Variants in MXRA7 observed in about 807,000 individuals in gnomAD.
MXRA7 encodes matrix-remodeling-associated protein 7.
Under a neutral mutation model 17.4 loss-of-function variants are expected in MXRA7, and 18 were observed. That is an observed-to-expected ratio of 1.03 (90% CI 0.71 to 1.53). The LOEUF is 1.53. Among genes scored for constraint, MXRA7 ranks in the 40% most tolerant of loss-of-function variants. The pLI is 0.00. For synonymous variants in MXRA7, 70 were observed against 101.7 expected (o/e 0.69, Z 1.87); for missense variants, 141 against 209.3 (o/e 0.67, Z 2.01).
Position 76,700,953 on chromosome 17 carries a change from G to A in MXRA7, c.342+9652C>T, listed in dbSNP as rs549108687. Among the ~76,000 whole-genome samples the A allele has an allele frequency of 3.3e-4, 50 of 152,238 alleles. No homozygotes were observed. In the South Asian group the frequency reaches 8.5e-3, roughly 26 times the overall value. On this transcript the variant is annotated intron_variant, in intron 1 of 3. Transcript: ENST00000449428. ...TGGGCAGGGTCCTGATGTGGGCGCA[G>A]GGCTGGCAGGTCTAAGCACCAGAAA...
chr17:76,706,948 G>C (rs906558213), intron 1 of MXRA7, among the ~76,000 whole-genome samples: 1 of 152,118 alleles, frequency 6.6e-6, no homozygotes, highest in African/African-American at 2.4e-5. Flanking sequence ...CTGTGTGTGT[G>C]TGTGCATGTA....
chr17:76,674,237 A>T (rs1328552600), exon 4 of MXRA7: 1 of 151,818 alleles, frequency 6.6e-6, no homozygotes, highest in Non-Finnish European at 1.5e-5. Context: ...CATGGCTGCC[A>T]GGTAGACATC....
intron 1 of MXRA7, chr17:76,688,472 T>C (rs1228849312): frequency 1.5e-6 from 2 of 1,339,986 alleles, no homozygotes; most frequent in East Asian, 2.9e-5. Flanking sequence ...TGTGTGCCAT[T>C]TGGAGAAGTG....
Position 76,680,864 on chromosome 17 carries a change from T to C in MXRA7, c.*3A>G. 1.2e-6 allele frequency: 2 copies of C among 1,609,374 alleles called. No individual in the cohort carries two copies. The highest frequency in any genetic ancestry group is 2.7e-5 in the African/African-American group (2 of 74,972). ...CTTTAGGAGGACGCTAAGGATAACT[T>C]CGTTATTCTTCAGTTCTGTAAAGAG... is the stretch of plus-strand genomic sequence containing the variant. On this transcript the variant is annotated 3_prime_UTR_variant, in exon 4 of 4. Coordinates refer to ENST00000449428, the MANE Select transcript of MXRA7 (RefSeq NM_198530.4).
At chr17:76,688,621 T>C in intron 1 of MXRA7, 1 of 1,245,236 alleles carries the variant, frequency 8.0e-7, no homozygotes, top group African/African-American at 1.5e-5. Context: ...TATGTTGTTT[T>C]CCATCCCCAA....
At chr17:76,691,481 G>C (rs1334441985) in intron 1 of MXRA7, among the ~76,000 whole-genome samples, 1 of 152,242 alleles carries the variant, frequency 6.6e-6, no homozygotes, top group Non-Finnish European at 1.5e-5. Flanking sequence ...CAAAGTGTGG[G>C]GAACGAGGGG....
chr17:76,693,196 G>A (rs73357371), intron 1 of MXRA7, among the ~76,000 whole-genome samples: 20,674 of 152,188 alleles, frequency 0.14, 1,654 homozygotes, highest in East Asian at 0.32. Context: ...AAGGCTGGGC[G>A]CGGTGGCTCA....
intron 1 of MXRA7, among the ~76,000 whole-genome samples, chr17:76,706,296 GTCACAGAGGCCCACGCTGCCA>G (rs2076657335): frequency 2.2e-5 from 2 of 89,460 alleles, no homozygotes; most frequent in Non-Finnish European, 4.7e-5. Context: ...CCACGCTGCC[GTCACAGAGGCCCACGCTGCCA>G]TCACAAAGGA....
chr17:76,710,457 C>G, intron 1 of MXRA7, 148 bp downstream of exon 1: 2 of 600,444 alleles, frequency 3.3e-6, no homozygotes, highest in Non-Finnish European at 2.4e-6. Flanking sequence ...ATGGCGGGAC[C>G]TGCATTTCCT....
At chr17:76,701,243 CG>C (rs1245991085) in intron 1 of MXRA7, among the ~76,000 whole-genome samples, 1 of 151,840 alleles carries the variant, frequency 6.6e-6, no homozygotes, top group African/African-American at 2.4e-5. Context: ...GGGCTGCTCT[CG>C]GAACACACTC....
At chr17:76,705,661 T>G (rs76150689) in intron 1 of MXRA7, among the ~76,000 whole-genome samples, 5,283 of 152,138 alleles carry the variant, frequency 0.035, 126 homozygotes, top group Middle Eastern at 0.071. Flanking sequence ...AGGGCCCTGA[T>G]AAGAAGAGGA....
At chr17:76,706,624 A>G (rs971283086) in intron 1 of MXRA7, among the ~76,000 whole-genome samples, 6 of 152,246 alleles carry the variant, frequency 3.9e-5, no homozygotes, top group African/African-American at 1.4e-4. Context: ...GTGAGGGCAG[A>G]GGACACAGGT....
chr17:76,685,269 G>A (rs2143599529), intron 2 of MXRA7, 104 bp from the exon 3 acceptor site: 1 of 777,378 alleles, frequency 1.3e-6, no homozygotes, highest in Non-Finnish European at 2.3e-6. Flanking sequence ...TCAAGCAGAG[G>A]CCACATCTGG....
At chr17:76,698,957 G>A (rs1286723225) in intron 1 of MXRA7, among the ~76,000 whole-genome samples, 1 of 152,050 alleles carries the variant, frequency 6.6e-6, no homozygotes, top group African/African-American at 2.4e-5. Flanking sequence ...CTGACTTCAA[G>A]TGATCCGCCC....
intron 2 of MXRA7, among the ~76,000 whole-genome samples, chr17:76,687,880 C>T (rs577840846): frequency 1.6e-4 from 24 of 152,314 alleles, no homozygotes; most frequent in Non-Finnish European, 2.5e-4. Flanking sequence ...CCAAGAGGGG[C>T]CCCGGGATGG....
intron 1 of MXRA7, among the ~76,000 whole-genome samples, chr17:76,708,756 C>G (rs1453943321): frequency 6.6e-6 from 1 of 152,116 alleles, no homozygotes; most frequent in East Asian, 1.9e-4. Context: ...GGAGCTTTGG[C>G]CAGCTCAGGA....
Position 76,685,077 on chromosome 17 carries a change from C to T in MXRA7, c.495G>A (p.Glu165=). The stretch of plus-strand genomic sequence containing the variant: ...GCGAAGGGGCTGCAGCCTACCTCTG[C>T]TCCTCCTCCAGCTCCTCTTTGGTCA... ...KMMTKEELEE[E]QRTEE The change falls in exon 3 of 4, where the codon GAG becomes GAA. Residue 165 remains glutamate (E), a synonymous_variant. Coordinates refer to ENST00000449428, the MANE Select transcript of MXRA7 (RefSeq NM_198530.4). 1 of 1,613,856 alleles carries T rather than the reference C, an allele frequency of 6.2e-7. No homozygotes were observed. The highest frequency in any genetic ancestry group is 8.5e-7 in the Non-Finnish European group (1 of 1,179,800).
intron 2 of MXRA7, among the ~76,000 whole-genome samples, chr17:76,687,212 A>C (rs1275226684): frequency 6.6e-6 from 1 of 152,142 alleles, no homozygotes; most frequent in Non-Finnish European, 1.5e-5. Flanking sequence ...CACCGCCTGC[A>C]CCCAAGCTTC....
chr17:76,698,433 G>A (rs765655061), intron 1 of MXRA7, among the ~76,000 whole-genome samples: 2 of 152,164 alleles, frequency 1.3e-5, no homozygotes, highest in Non-Finnish European at 2.9e-5. Context: ...AGGGCAGGCT[G>A]GGGCAGGGGT....
Sources: gnomAD v4.1 joint callset for allele counts (sites outside exome capture counted in the v4.1 genomes callset) on GRCh38, gnomAD v4.1.1 for gene constraint, MANE v1.5 for transcripts, NCBI Gene and HGNC (gene_info 2026-07-23, HGNC 2026-07-21) for gene names.